The following TRIM9 variants were observed in gnomAD, a reference collection of about 807,000 sequenced individuals.
TRIM9 encodes the protein tripartite motif containing 9, also known as E3 ubiquitin-protein ligase TRIM9.
A neutral mutation model predicts 78.3 loss-of-function variants in TRIM9; 26 were observed. The observed-to-expected ratio is 0.33, with a 90% confidence interval of 0.24 to 0.46. TRIM9 has a LOEUF of 0.46. TRIM9 is among the 20% of genes least tolerant of loss of function. The pLI is 1.00. For synonymous variants in TRIM9, 398 were observed against 416.5 expected (o/e 0.96, Z 0.54); for missense variants, 787 against 1,036.4 (o/e 0.76, Z 3.30).
intron 3 of TRIM9, among the ~76,000 whole-genome samples, chr14:51,011,900 C>T (rs2139652204): frequency 6.6e-6 from 1 of 152,294 alleles, no homozygotes; most frequent in South Asian, 2.1e-4. Context: ...AGGCAGTTTT[C>T]ATGTTGCCAC....
chr14:51,031,835 A>C (rs2058754563), intron 1 of TRIM9, among the ~76,000 whole-genome samples: 1 of 152,212 alleles, frequency 6.6e-6, no homozygotes, highest in Admixed American at 6.5e-5. Flanking sequence ...TTGAAGGATA[A>C]GTGAGGGAGC....
chr14:51,075,533 G>A (rs1168278986), intron 1 of TRIM9, among the ~76,000 whole-genome samples: 2 of 151,940 alleles, frequency 1.3e-5, no homozygotes, highest in Non-Finnish European at 2.9e-5. Flanking sequence ...CAAAGTTTTC[G>A]GGAACTCATA....
chr14:51,018,339 CTTCT>C (rs948951104), intron 3 of TRIM9, among the ~76,000 whole-genome samples: 3 of 150,716 alleles, frequency 2.0e-5, no homozygotes, highest in African/African-American at 7.3e-5. Flanking sequence ...TCTTTCCTTC[CTTCT>C]TTCTATCCTT....
At chr14:51,022,788 G>A (rs2057882303) in intron 3 of TRIM9, 47 bp downstream of exon 3, 1 of 1,610,356 alleles carries the variant, frequency 6.2e-7, no homozygotes, top group Non-Finnish European at 8.5e-7. Flanking sequence ...TGCCCCTCGG[G>A]AGCCTGGCTT....
In TRIM9 at chr14:51,025,750, T is replaced by C. The variant is rs779494291; in HGVS notation, c.823-390A>G. Among the ~76,000 whole-genome samples, 6 of 108,902 alleles carry C rather than the reference T, an allele frequency of 5.5e-5. No individual in the cohort carries two copies. The East Asian group carries it at 6.3e-4, about 11-fold the overall frequency. 71.4% of individuals were successfully genotyped at this position (108,902 alleles called of 152,430 possible). ...CAACGTTACTTAGCACAAAGGGCTA[T>C]TGGTCTGGGTAGGGCAGAAAGAATA... On this transcript the variant is annotated intron_variant, in intron 1 of 12. Coordinates refer to ENST00000684578, the MANE Select transcript of TRIM9 (RefSeq NM_001387360.1).
At chr14:51,084,237 A>G (rs1379915044) in intron 1 of TRIM9, among the ~76,000 whole-genome samples, 1 of 152,164 alleles carries the variant, frequency 6.6e-6, no homozygotes, top group Non-Finnish European at 1.5e-5. Context: ...TCAGGTGTAA[A>G]TATGCCATTT....
At chr14:50,992,507 A>C (rs562158780) in intron 7 of TRIM9, among the ~76,000 whole-genome samples, 1 of 152,196 alleles carries the variant, frequency 6.6e-6, no homozygotes, top group African/African-American at 2.4e-5. Context: ...CAGGAGGTCA[A>C]GGTTACAGTG....
chr14:51,018,097 G>A (rs7153154), intron 3 of TRIM9, among the ~76,000 whole-genome samples: 62,860 of 151,992 alleles, frequency 0.41, 13,416 homozygotes, highest in African/African-American at 0.44. Context: ...GTTCCAGTGT[G>A]CCTAATTTTT....
intron 1 of TRIM9, among the ~76,000 whole-genome samples, chr14:51,082,210 G>A (rs2063363222): frequency 1.3e-5 from 2 of 152,188 alleles, no homozygotes; most frequent in Admixed American, 1.3e-4. Context: ...GGAGCTCTGA[G>A]CCAGGAACCA....
chr14:51,081,996 G>A (rs924713632), intron 1 of TRIM9, among the ~76,000 whole-genome samples: 1 of 152,182 alleles, frequency 6.6e-6, no homozygotes, highest in South Asian at 2.1e-4. Context: ...GTCAGTGGGT[G>A]GCACTGAAAG....
Position 50,998,145 on chromosome 14 carries a change from A to C in TRIM9, c.1508T>G (p.Leu503Arg). The change falls in exon 7 of 13, where the codon CTT (leucine) becomes CGT (arginine). Residue 503 changes from leucine to arginine, a missense_variant. Coordinates refer to ENST00000684578, the MANE Select transcript of TRIM9 (RefSeq NM_001387360.1). ...AGCGTTGTATGTGCTGTTGAAGTGA[A>C]GACCATCCACAGTGCACATTGTCTC... is the stretch of plus-strand genomic sequence containing the variant. Reference protein sequence around the residue: ...GKETMCTVDGLHFNSTYNARV... With the variant: ...GKETMCTVDGRHFNSTYNARV... The C allele has an allele frequency of 6.2e-7, 1 of 1,614,176 alleles. No homozygotes were observed. Among genetic ancestry groups the C allele is most frequent in the Non-Finnish European group, 8.5e-7 (1 of 1,180,018 alleles).
chr14:51,046,823 CT>C (rs2059986725), intron 1 of TRIM9, among the ~76,000 whole-genome samples: 1 of 152,168 alleles, frequency 6.6e-6, no homozygotes, highest in African/African-American at 2.4e-5. Flanking sequence ...CATCATGGAG[CT>C]GTGAGGATTA....
Position 51,083,697 on chromosome 14 carries a change from T to C in TRIM9, c.822+10421A>G, listed in dbSNP as rs577002630. 2.6e-5 allele frequency among the ~76,000 whole-genome samples: 4 copies of C among 152,332 alleles called. 1 individual carries two copies. Among genetic ancestry groups the C allele is most frequent in the African/African-American group, 9.6e-5 (4 of 41,584 alleles). On this transcript the variant is annotated intron_variant, in intron 1 of 12. Coordinates refer to ENST00000684578, the MANE Select transcript of TRIM9 (RefSeq NM_001387360.1). ...ATGGTGAATTCAGATCTGGGCATCC[T>C]GAATGTGAGGGAGTTGAGATACATA...
intron 1 of TRIM9, among the ~76,000 whole-genome samples, chr14:51,047,360 C>A (rs945402422): frequency 2.6e-5 from 4 of 152,190 alleles, no homozygotes; most frequent in Admixed American, 1.3e-4. Flanking sequence ...GCATTCATTT[C>A]ATCATGGCTG....
At position 51,057,719 on chromosome 14, in the gene TRIM9, T is replaced by C. The variant is rs530854116; in HGVS notation, c.823-32359A>G. 1.2e-4 allele frequency among the ~76,000 whole-genome samples: 19 copies of C among 152,374 alleles called. No homozygotes were observed. The East Asian group carries it at 1.5e-3, about 12-fold the overall frequency. ...ATTTTTGTGGTAAAAATCAAAATCA[T>C]GGCCTTTTAATCTGAATGTATTCAT... On this transcript the variant is annotated intron_variant, in intron 1 of 12. Coordinates refer to ENST00000684578, the MANE Select transcript of TRIM9 (RefSeq NM_001387360.1).
intron 1 of TRIM9, chr14:51,090,961 T>C (rs947993456): frequency 6.6e-6 from 1 of 152,228 alleles, no homozygotes; most frequent in East Asian, 1.9e-4. Flanking sequence ...GAATGTGAAC[T>C]GCTTAAAATC....
At chr14:50,984,175 A>G (rs984085611) in intron 8 of TRIM9, among the ~76,000 whole-genome samples, 1 of 152,196 alleles carries the variant, frequency 6.6e-6, no homozygotes, top group Non-Finnish European at 1.5e-5. Context: ...GTGACCTACA[A>G]TTTCCAGTGG....
intron 1 of TRIM9, among the ~76,000 whole-genome samples, chr14:51,086,709 G>T (rs1467835228): frequency 1.3e-5 from 2 of 152,138 alleles, no homozygotes; most frequent in East Asian, 3.9e-4. Context: ...GGAGGAGGGT[G>T]AGCTGAACAG....
At chr14:51,004,836 T>G (rs1453156292) in intron 5 of TRIM9, among the ~76,000 whole-genome samples, 2 of 152,136 alleles carry the variant, frequency 1.3e-5, no homozygotes, top group Non-Finnish European at 2.9e-5. Flanking sequence ...TGTTTAGAAA[T>G]AGTGTACTGG....
Sources: gnomAD v4.1 joint callset for allele counts (sites outside exome capture counted in the v4.1 genomes callset) on GRCh38, gnomAD v4.1.1 for gene constraint, MANE v1.5 for transcripts, NCBI Gene and HGNC (gene_info 2026-07-23, HGNC 2026-07-21) for gene names.